ABCA6: variants seen among roughly 807,000 people sequenced by gnomAD.
ABCA6 encodes the protein ATP binding cassette subfamily A member 6, also known as ATP-binding cassette sub-family A member 6.
A neutral mutation model predicts 191.2 loss-of-function variants in ABCA6; 164 were observed. The observed-to-expected ratio is 0.86, with a 90% CI of 0.76 to 0.98. The LOEUF is 0.98. Among genes scored for constraint, ABCA6 ranks in the 50% least tolerant of loss-of-function variants. ABCA6 has a pLI of 0.00. For missense variants in ABCA6, 1,958 were observed against 1,894.1 expected (o/e 1.03, Z -0.63); for synonymous variants, 636 against 647.7 (o/e 0.98, Z 0.27).
chr17:69,117,966 CA>C lies in ABCA6; in HGVS notation c.1437-11del. The C allele has an allele frequency of 6.3e-7, 1 of 1,578,178 alleles. No homozygotes were observed. Among genetic ancestry groups the C allele is most frequent in the African/African-American group, 1.4e-5 (1 of 73,594 alleles). The stretch of plus-strand genomic sequence containing the variant: ...CTTAACATTTCTGATTCTGAAATAA[CA>C]AAAAGGGTGCTTACTTAGCCAACAC... On this transcript the variant is annotated splice_polypyrimidine_tract_variant and intron_variant, in intron 10 of 38. Coordinates refer to ENST00000284425, the MANE Select transcript of ABCA6 (RefSeq NM_080284.3).
intron 7 of ABCA6, among the ~76,000 whole-genome samples, chr17:69,129,278 C>G (rs1200276878): frequency 6.6e-6 from 1 of 151,686 alleles, no homozygotes; most frequent in African/African-American, 2.4e-5. Context: ...GATGAGCACC[C>G]TTAAGGGAAA....
Position 69,105,505 on chromosome 17 carries a change from A to C in ABCA6, c.2697T>G (p.Leu899=), listed in dbSNP as rs2073278153. Residue 899 remains leucine (L), a synonymous_variant, in exon 20 of 39, where the codon CTT becomes CTG. Coordinates refer to ENST00000284425, the MANE Select transcript of ABCA6 (RefSeq NM_080284.3). ...NELYFLSPGQ[L]PQEPRTSLLI... ...ACAGGCTGGTACGGGGTTCCTGGGG[A>C]AGTTGTCCAGGAGAGAGAAAATACA... 1.2e-6 allele frequency: 2 copies of C among 1,611,276 alleles called. No individual in the cohort carries two copies. Among genetic ancestry groups the C allele is most frequent in the Non-Finnish European group, 1.7e-6 (2 of 1,179,480 alleles).
intron 15 of ABCA6, 23 bp from the exon 16 acceptor site, chr17:69,112,296 G>C: frequency 6.4e-7 from 1 of 1,568,352 alleles, no homozygotes; most frequent in Non-Finnish European, 8.8e-7. Context: ...AATCAAGGGA[G>C]AAAAGATATT....
intron 4 of ABCA6, 86 bp downstream of exon 4, chr17:69,136,006 G>T: frequency 1.6e-6 from 2 of 1,267,010 alleles, no homozygotes; most frequent in Non-Finnish European, 2.2e-6. Context: ...ATGTGTCATT[G>T]AAAGCATCTC....
At chr17:69,092,967 T>C (rs2072959751) in intron 25 of ABCA6, among the ~76,000 whole-genome samples, 1 of 152,194 alleles carries the variant, frequency 6.6e-6, no homozygotes, top group South Asian at 2.1e-4. Context: ...GCTTGAGGTC[T>C]TTGTGAAGAG....
Position 69,114,402 on chromosome 17 carries a change from G to T in ABCA6, c.1782+360C>A. Among the ~76,000 whole-genome samples, 3 of 140,500 alleles carry T rather than the reference G, an allele frequency of 2.1e-5. 1 individual carries two copies. The highest frequency in any genetic ancestry group is 2.2e-4 in the East Asian group (1 of 4,650). 92.2% of individuals were successfully genotyped at this position (140,500 alleles called of 152,430 possible). A position where few individuals can be genotyped will look rare whatever the true frequency, so the allele number is the denominator to read the frequency against. On this transcript the variant is annotated intron_variant, in intron 13 of 38. Transcript: ENST00000284425. ...ACACAGGAAGGGGAACATCACACAT[G>T]GGGGCCTGTTGTGGGGTGGGGGGAG...
intron 8 of ABCA6, 121 bp downstream of exon 8, chr17:69,128,498 T>C (rs1020668603): frequency 1.0e-4 from 70 of 677,590 alleles, no homozygotes; most frequent in Non-Finnish European, 1.5e-4. Context: ...ATTTTAAAGC[T>C]TAACTTTAGA....
chr17:69,103,073 T>G (rs1204802974), intron 20 of ABCA6, 105 bp from the exon 21 acceptor site: 1 of 656,028 alleles, frequency 1.5e-6, no homozygotes, highest in East Asian at 3.1e-5. Context: ...TATGGAATAC[T>G]ATGTATAAAT....
intron 3 of ABCA6, 23 bp from the exon 4 acceptor site, chr17:69,136,273 A>G (rs754286769): frequency 1.4e-6 from 2 of 1,456,642 alleles, no homozygotes; most frequent in South Asian, 3.1e-5. Context: ...AGGTAAAAAT[A>G]GACATAGAAA....
chr17:69,107,572 C>G, intron 18 of ABCA6, 124 bp downstream of exon 18: 1 of 713,574 alleles, frequency 1.4e-6, no homozygotes, highest in Non-Finnish European at 2.4e-6. Flanking sequence ...TCTCAAACAG[C>G]AGAGCCAAAT....
At chr17:69,134,824 A>G in intron 4 of ABCA6, 82 bp from the exon 5 acceptor site, 2 of 962,910 alleles carry the variant, frequency 2.1e-6, no homozygotes, top group African/African-American at 3.3e-5. Context: ...AAAAGAAAAC[A>G]ATCTAGAGGA....
At chr17:69,096,869 C>T in intron 23 of ABCA6, 68 bp from the exon 24 acceptor site, 1 of 1,288,814 alleles carries the variant, frequency 7.8e-7, no homozygotes, top group Non-Finnish European at 1.0e-6. Context: ...CTAAAATAAA[C>T]ACAAACACAT....
At chr17:69,123,584 T>C (rs4334355) in intron 9 of ABCA6, among the ~76,000 whole-genome samples, 177 bp from the exon 10 acceptor site, 91,957 of 151,888 alleles carry the variant, frequency 0.61, 29,442 homozygotes, top group Admixed American at 0.71. Flanking sequence ...ACAATGGGAA[T>C]TCAAAGGAAA....
chr17:69,096,819 G>T lies in ABCA6; in HGVS notation c.3121-18C>A. 2 of 1,458,190 alleles carry T rather than the reference G, an allele frequency of 1.4e-6. No homozygotes were observed. Among genetic ancestry groups the T allele is most frequent in the African/African-American group, 3.0e-5 (2 of 67,358 alleles). The allele number at this position is 1,458,190 out of a possible 1,614,324, so 90.3% of individuals were successfully genotyped here. A position where few individuals can be genotyped will look rare whatever the true frequency, so the allele number is the denominator to read the frequency against. On this transcript the variant is annotated intron_variant, in intron 23 of 38. Coordinates refer to ENST00000284425, the MANE Select transcript of ABCA6 (RefSeq NM_080284.3). ...GCATTTTTCTGATTAAAAAAAAAAA[G>T]AAAGAAAGAAATGTATATAGATTCA...
At position 69,081,137 on chromosome 17, in the gene ABCA6, G is replaced by T; in HGVS notation, c.4625C>A (p.Ser1542Tyr). ...CACGGGCAGCTTATAGGTTAACAAAGAGGAATACCTGAAAACAGGAAGATG... is the reference window on the plus strand; with the variant it reads ...CACGGGCAGCTTATAGGTTAACAAATAGGAATACCTGAAAACAGGAAGATG... ...PQAAGQERYS[S>Y]LLTYKLPVAD... The change falls in exon 37 of 39, where the codon TCT becomes TAT. Residue 1542 changes from serine to tyrosine, a missense_variant. Ser to Tyr is a moderately radical substitution (Grantham distance 144). Coordinates refer to ENST00000284425, the MANE Select transcript of ABCA6 (RefSeq NM_080284.3). 1 of 1,587,274 alleles carries T rather than the reference G, an allele frequency of 6.3e-7. No homozygotes were observed. Among genetic ancestry groups the T allele is most frequent in the South Asian group, 1.2e-5 (1 of 85,134 alleles).
intron 17 of ABCA6, chr17:69,109,143 A>T (rs966011602): frequency 6.6e-6 from 1 of 152,244 alleles, no homozygotes; most frequent in South Asian, 2.1e-4. Flanking sequence ...ATGAAACCGA[A>T]TTATGCAAAA....
intron 23 of ABCA6, 104 bp downstream of exon 23, chr17:69,097,816 T>C: frequency 1.3e-6 from 1 of 741,614 alleles, no homozygotes; most frequent in Non-Finnish European, 2.1e-6. Flanking sequence ...AAATTAAACA[T>C]ACATTCAAAT....
Position 69,134,654 on chromosome 17 carries a change from ATTAATAGCTGTTTG to A in ABCA6, c.535_548del (p.Gln179TyrfsTer32), listed in dbSNP as rs1462483511. The A allele has an allele frequency of 6.2e-7, 1 of 1,612,712 alleles. No individual in the cohort carries two copies. The highest frequency in any genetic ancestry group is 8.5e-7 in the Non-Finnish European group (1 of 1,179,288). The stretch of plus-strand genomic sequence containing the variant: ...AAGCACTTACTTCTATAATGGCAGT[ATTAATAGCTGTTTG>A]TAAAGCCACAAATCCTCTATTCCAG... On this transcript the variant is annotated frameshift_variant, in exon 5 of 39. Coordinates refer to ENST00000284425, the MANE Select transcript of ABCA6 (RefSeq NM_080284.3). LOFTEE classifies it high-confidence loss of function.
At chr17:69,121,375 T>C (rs776011647) in intron 10 of ABCA6, among the ~76,000 whole-genome samples, 8 of 152,112 alleles carry the variant, frequency 5.3e-5, no homozygotes, top group South Asian at 2.1e-4. Context: ...AGCTACAACA[T>C]TGACCGCCTA....
Sources: gnomAD v4.1 joint callset for allele counts (sites outside exome capture counted in the v4.1 genomes callset) on GRCh38, gnomAD v4.1.1 for gene constraint, MANE v1.5 for transcripts, NCBI Gene and HGNC (gene_info 2026-07-23, HGNC 2026-07-21) for gene names.